The following SFMBT2 variants were observed in gnomAD, a reference collection of about 807,000 sequenced individuals.
SFMBT2 encodes the protein Scm like with four mbt domains 2.
In SFMBT2, 38 loss-of-function variants were observed where a neutral mutation model predicts 110.1. That is an observed-to-expected ratio of 0.35 (90% CI 0.27 to 0.45). The LOEUF (loss-of-function observed/expected upper bound fraction) is 0.45, where lower values mean the gene tolerates loss of function less well. Ranked by LOEUF, SFMBT2 falls within the 20% of genes least tolerant of loss-of-function variation. The pLI, the probability that SFMBT2 is intolerant of heterozygous loss-of-function variation, is 1.00. For synonymous variants in SFMBT2, 425 were observed against 425.4 expected (o/e 1.00, Z 0.01); for missense variants, 1,011 against 1,094.9 (o/e 0.92, Z 1.08).
intron 4 of SFMBT2, among the ~76,000 whole-genome samples, chr10:7,337,217 T>C (rs992791692): frequency 1.3e-5 from 2 of 152,184 alleles, no homozygotes; most frequent in South Asian, 2.1e-4. Context: ...ACTAAACGTA[T>C]GGATATCTGT....
intron 16 of SFMBT2, among the ~76,000 whole-genome samples, chr10:7,180,919 G>A (rs956804621): frequency 2.6e-5 from 4 of 152,154 alleles, no homozygotes; most frequent in Admixed American, 1.3e-4. Context: ...CTGGCATGCT[G>A]GACTGGAATT....
At chr10:7,317,641 C>A (rs866251947) in intron 4 of SFMBT2, among the ~76,000 whole-genome samples, 221 of 92,786 alleles carry the variant, frequency 2.4e-3, no homozygotes, top group South Asian at 8.3e-3. Context: ...AACTCCGTCT[C>A]AAAAAAAAAA....
chr10:7,226,162 T>C (rs779649367), intron 10 of SFMBT2, among the ~76,000 whole-genome samples: 43 of 152,332 alleles, frequency 2.8e-4, no homozygotes, highest in Non-Finnish European at 4.9e-4. Context: ...TCTGCCTAGA[T>C]TTTTGACTGC....
intron 6 of SFMBT2, among the ~76,000 whole-genome samples, chr10:7,281,803 C>T (rs747802838): frequency 6.6e-6 from 1 of 152,058 alleles, no homozygotes; most frequent in African/African-American, 2.4e-5. Context: ...ATTTAAATAT[C>T]GGGGAAGTAA....
chr10:7,212,418 G>T (rs1424024339), intron 11 of SFMBT2, among the ~76,000 whole-genome samples: 1 of 152,198 alleles, frequency 6.6e-6, no homozygotes, highest in Non-Finnish European at 1.5e-5. Context: ...GCTTTGTCAG[G>T]TGCACGGAGA....
intron 2 of SFMBT2, among the ~76,000 whole-genome samples, chr10:7,378,417 G>GGAGA (rs1845323150): frequency 2.6e-5 from 3 of 113,714 alleles, no homozygotes; most frequent in East Asian, 4.8e-4. Context: ...ATGGGTGGAT[G>GGAGA]GATGGGTGTG....
chr10:7,251,377 G>C (rs1481246438), intron 7 of SFMBT2, among the ~76,000 whole-genome samples: 4 of 152,128 alleles, frequency 2.6e-5, no homozygotes, highest in East Asian at 3.9e-4. Context: ...GGGAGGCAGA[G>C]GCAGGACAAT....
chr10:7,198,197 T>C (rs1838838439), intron 14 of SFMBT2: 1 of 963,974 alleles, frequency 1.0e-6, no homozygotes, highest in Non-Finnish European at 1.2e-6. Flanking sequence ...AACAAGAAGT[T>C]TCTGAGATAT....
chr10:7,201,371 G>A (rs929593574), intron 13 of SFMBT2, among the ~76,000 whole-genome samples: 7 of 152,212 alleles, frequency 4.6e-5, no homozygotes, highest in Admixed American at 1.3e-4. Context: ...TGAGAAAGGT[G>A]AGAACCGTTA....
intron 4 of SFMBT2, among the ~76,000 whole-genome samples, chr10:7,334,397 C>T (rs1441702707): frequency 6.6e-6 from 1 of 152,198 alleles, no homozygotes; most frequent in East Asian, 1.9e-4. Context: ...CATCAGCTCC[C>T]CATCACAGCT....
At chr10:7,211,196 G>C (rs1036266405) in intron 11 of SFMBT2, among the ~76,000 whole-genome samples, 4 of 151,980 alleles carry the variant, frequency 2.6e-5, no homozygotes, top group East Asian at 1.9e-4. Flanking sequence ...TTCTGGGTGG[G>C]GGGTATGTGT....
chr10:7,218,434 T>C (rs1399260849), intron 11 of SFMBT2, among the ~76,000 whole-genome samples: 3 of 152,270 alleles, frequency 2.0e-5, no homozygotes, highest in Non-Finnish European at 4.4e-5. Flanking sequence ...GCAGTATCTT[T>C]TGTAAGTAAT....
intron 7 of SFMBT2, among the ~76,000 whole-genome samples, chr10:7,252,539 T>A (rs1305745673): frequency 6.6e-6 from 1 of 152,178 alleles, no homozygotes; most frequent in Non-Finnish European, 1.5e-5. Context: ...ACTTCCCATC[T>A]TTGCTCATCT....
intron 1 of SFMBT2, among the ~76,000 whole-genome samples, chr10:7,404,706 A>T (rs539280533): frequency 1.3e-5 from 2 of 152,368 alleles, no homozygotes; most frequent in East Asian, 3.8e-4. Flanking sequence ...CATGAATGGA[A>T]GCCTAGACGT....
In SFMBT2 at chr10:7,254,004, A is replaced by G. The variant is rs548315895; in HGVS notation, c.871-5355T>C. On this transcript the variant is annotated intron_variant, in intron 7 of 20. Coordinates refer to ENST00000397167, the MANE Select transcript of SFMBT2 (RefSeq NM_001387889.1). The stretch of plus-strand genomic sequence containing the variant: ...TGAATGACGATTTCAGAAACGTTTT[A>G]CTGCAAGAGCGTGACAATATTTTCT... Among the ~76,000 whole-genome samples the G allele has an allele frequency of 2.0e-3, 305 of 152,302 alleles. 5 individuals are homozygous for G. Among genetic ancestry groups the G allele is most frequent in the Non-Finnish European group, 6.5e-4 (44 of 68,028 alleles).
Position 7,393,488 on chromosome 10 carries a change from G to C in SFMBT2, c.-51-11539C>G, listed in dbSNP as rs575545578. Among the ~76,000 whole-genome samples, 43 of 152,048 alleles carry C rather than the reference G, an allele frequency of 2.8e-4. No homozygotes were observed. In the South Asian group the frequency reaches 8.5e-3, roughly 30 times the overall value. On this transcript the variant is annotated intron_variant, in intron 1 of 20. Transcript: ENST00000397167. The stretch of plus-strand genomic sequence containing the variant: ...GTCATTTAAGGTAGGTTTGCAAAGG[G>C]ACAGCAGTGATTTTTTGCAGTCTCT...
At chr10:7,288,467 G>A (rs972150398) in intron 4 of SFMBT2, among the ~76,000 whole-genome samples, 37 of 152,142 alleles carry the variant, frequency 2.4e-4, no homozygotes, top group African/African-American at 8.7e-4. Context: ...TCAGCACGTT[G>A]GGAGGCTGAG....
At chr10:7,254,990 G>A (rs1426819256) in intron 7 of SFMBT2, among the ~76,000 whole-genome samples, 2 of 152,180 alleles carry the variant, frequency 1.3e-5, no homozygotes, top group Non-Finnish European at 1.5e-5. Flanking sequence ...CAACACCAGC[G>A]AATTTCCAAA....
chr10:7,398,945 A>T (rs1845997483), intron 1 of SFMBT2, among the ~76,000 whole-genome samples: 1 of 152,244 alleles, frequency 6.6e-6, no homozygotes, highest in Non-Finnish European at 1.5e-5. Flanking sequence ...ATAATGCCTA[A>T]TTAGGGCATA....
Sources: gnomAD v4.1 joint callset for allele counts (sites outside exome capture counted in the v4.1 genomes callset) on GRCh38, gnomAD v4.1.1 for gene constraint, MANE v1.5 for transcripts, NCBI Gene and HGNC (gene_info 2026-07-23, HGNC 2026-07-21) for gene names.